The following GPC6 variants were observed in gnomAD, a reference collection of about 807,000 sequenced individuals.
GPC6 encodes the protein glypican 6.
In GPC6, 14 loss-of-function variants were observed where a neutral mutation model predicts 55.2. That is an observed-to-expected ratio of 0.25 (90% CI 0.17 to 0.40). The LOEUF is 0.40. GPC6 is among the 10% of genes least tolerant of loss of function. The pLI is 1.00. For missense variants in GPC6, 641 were observed against 708.5 expected, an observed-to-expected ratio of 0.90 and a Z score of 1.08; for synonymous variants, 278 against 259.6, an observed-to-expected ratio of 1.07 and a Z score of -0.68.
intron 3 of GPC6, among the ~76,000 whole-genome samples, chr13:93,990,707 T>A (rs1317375277): frequency 6.6e-6 from 1 of 151,654 alleles, no homozygotes; most frequent in African/African-American, 2.4e-5. Context: ...ATTTTTTTTT[T>A]TTTTTTAATT....
intron 4 of GPC6, among the ~76,000 whole-genome samples, chr13:94,103,928 T>C (rs1203841678): frequency 6.6e-6 from 1 of 152,206 alleles, no homozygotes; most frequent in African/African-American, 2.4e-5. Flanking sequence ...TTGCCGTTGC[T>C]TTTGGTGTTT....
intron 2 of GPC6, among the ~76,000 whole-genome samples, chr13:93,818,013 CTTATATA>C (rs1161776465): frequency 6.9e-6 from 1 of 145,536 alleles, no homozygotes; most frequent in Admixed American, 6.9e-5. Flanking sequence ...AAATTATATA[CTTATATA>C]TTATAGATGT....
At chr13:93,971,421 T>C (rs1204011136) in intron 3 of GPC6, among the ~76,000 whole-genome samples, 1 of 152,156 alleles carries the variant, frequency 6.6e-6, no homozygotes, top group Non-Finnish European at 1.5e-5. Context: ...GGCAAATAAA[T>C]TGAAAATAAA....
chr13:94,317,723 A>G (rs2139125797), intron 6 of GPC6, among the ~76,000 whole-genome samples: 1 of 152,330 alleles, frequency 6.6e-6, no homozygotes, highest in Admixed American at 6.5e-5. Context: ...CATTTTTTAA[A>G]GTTTCCTTTC....
chr13:93,751,738 G>A (rs766437133), intron 2 of GPC6, among the ~76,000 whole-genome samples: 1 of 151,908 alleles, frequency 6.6e-6, no homozygotes, highest in Non-Finnish European at 1.5e-5. Context: ...CTTGCCCAGG[G>A]TGGTTTCAAA....
At chr13:93,997,058 C>G (rs1398623608) in intron 3 of GPC6, among the ~76,000 whole-genome samples, 1 of 152,144 alleles carries the variant, frequency 6.6e-6, no homozygotes, top group Non-Finnish European at 1.5e-5. Flanking sequence ...GGATCAAGGT[C>G]AAGTAGCTTC....
In GPC6 at chr13:94,228,528, A is replaced by G. The variant is rs190705598; in HGVS notation, c.878-57821A>G. ...TTACATGAGATTTTTTTTTGTCTTCAGCTAAAATGACAGACTTAAAATATA... is the reference window on the plus strand; with the variant it reads ...TTACATGAGATTTTTTTTTGTCTTCGGCTAAAATGACAGACTTAAAATATA... On this transcript the variant is annotated intron_variant, in intron 4 of 8. Coordinates refer to ENST00000377047, the MANE Select transcript of GPC6 (RefSeq NM_005708.5). Among the ~76,000 whole-genome samples the G allele has an allele frequency of 1.7e-4, 26 of 152,094 alleles. No homozygotes were observed. In the East Asian group the frequency reaches 4.8e-3, roughly 28 times the overall value.
intron 3 of GPC6, among the ~76,000 whole-genome samples, chr13:94,017,361 C>T (rs1882507906): frequency 6.6e-6 from 1 of 152,076 alleles, no homozygotes; most frequent in African/African-American, 2.4e-5. Flanking sequence ...GTTTAATGGA[C>T]TCACATTGCT....
intron 6 of GPC6, among the ~76,000 whole-genome samples, chr13:94,312,492 A>C (rs879165081): frequency 6.6e-6 from 1 of 152,222 alleles, no homozygotes; most frequent in Admixed American, 6.5e-5. Context: ...ATAAGAAATC[A>C]GGAAACTGTC....
At chr13:94,123,092 T>C (rs1355867357) in intron 4 of GPC6, among the ~76,000 whole-genome samples, 1 of 152,130 alleles carries the variant, frequency 6.6e-6, no homozygotes, top group African/African-American at 2.4e-5. Flanking sequence ...ATATGAGTTA[T>C]ATTATAAATG....
At chr13:94,066,615 C>T (rs1203818051) in intron 4 of GPC6, among the ~76,000 whole-genome samples, 1 of 152,170 alleles carries the variant, frequency 6.6e-6, no homozygotes, top group Non-Finnish European at 1.5e-5. Flanking sequence ...AGTCAGTTCT[C>T]CATGCTCTAT....
intron 4 of GPC6, among the ~76,000 whole-genome samples, chr13:94,237,472 G>A (rs920929628): frequency 7.2e-5 from 11 of 152,216 alleles, no homozygotes; most frequent in East Asian, 1.9e-4. Flanking sequence ...ATTCAACAGC[G>A]GTAAGGTCTC....
intron 1 of GPC6, among the ~76,000 whole-genome samples, chr13:93,379,868 G>A (rs9589723): frequency 0.033 from 4,924 of 150,778 alleles, 273 homozygotes; most frequent in African/African-American, 0.11. Flanking sequence ...AGGTGCTATC[G>A]TCTTTAAAAA....
chr13:93,796,760 G>C (rs889569836), intron 2 of GPC6, among the ~76,000 whole-genome samples: 1 of 152,132 alleles, frequency 6.6e-6, no homozygotes, highest in Non-Finnish European at 1.5e-5. Context: ...GTACTTAGGA[G>C]AGGAATAAAA....
At chr13:93,499,701 G>A (rs1224338210) in intron 1 of GPC6, among the ~76,000 whole-genome samples, 1 of 152,142 alleles carries the variant, frequency 6.6e-6, no homozygotes, top group Non-Finnish European at 1.5e-5. Flanking sequence ...CTGATTTCTG[G>A]CACTTCCTTG....
chr13:94,390,371 C>G (rs1880590251), intron 7 of GPC6, among the ~76,000 whole-genome samples: 2 of 152,182 alleles, frequency 1.3e-5, no homozygotes. Flanking sequence ...CGTTCTCACA[C>G]TGCTATAAAG....
At chr13:93,437,281 A>G (rs1368941479) in intron 1 of GPC6, among the ~76,000 whole-genome samples, 1 of 152,190 alleles carries the variant, frequency 6.6e-6, no homozygotes, top group Non-Finnish European at 1.5e-5. Flanking sequence ...TGTTCAAGTG[A>G]AAAAGAGGAG....
chr13:94,373,311 T>C (rs1246834954), intron 6 of GPC6, among the ~76,000 whole-genome samples: 1 of 151,532 alleles, frequency 6.6e-6, no homozygotes, highest in Non-Finnish European at 1.5e-5. Context: ...AGTTGAAAAC[T>C]TTGAAAAAAA....
At chr13:93,917,905 T>A (rs1178470124) in intron 3 of GPC6, among the ~76,000 whole-genome samples, 1 of 152,166 alleles carries the variant, frequency 6.6e-6, no homozygotes, top group Non-Finnish European at 1.5e-5. Context: ...GAGACTAGCC[T>A]GGCCAATACG....
Sources: allele counts gnomAD v4.1 joint callset (sites outside exome capture counted in the v4.1 genomes callset), GRCh38; gene constraint gnomAD v4.1.1; transcripts MANE v1.5; gene names NCBI Gene and HGNC (gene_info 2026-07-23, HGNC 2026-07-21).